The following GDF10 variants were observed in gnomAD, a reference collection of about 807,000 sequenced individuals.
GDF10 encodes growth differentiation factor 10.
In GDF10, 23 loss-of-function variants were observed where a neutral mutation model predicts 32.1. That is an observed-to-expected ratio of 0.72 (90% confidence interval 0.52 to 1.02). The LOEUF (loss-of-function observed/expected upper bound fraction) is 1.02, where lower values mean the gene tolerates loss of function less well. Ranked by LOEUF, GDF10 falls within the 50% of genes least tolerant of loss-of-function variation. The pLI is 0.00. For missense variants in GDF10, 764 were observed against 673.9 expected (o/e 1.13, Z -1.48); for synonymous variants, 328 against 303.1 (o/e 1.08, Z -0.85).
chr10:47,310,523 G>C lies in GDF10; in HGVS notation c.1047G>C (p.Met349Ile), dbSNP rs2132226446. 6.2e-7 allele frequency: 1 copy of C among 1,613,916 alleles called. No homozygotes were observed. The highest frequency in any genetic ancestry group is 8.5e-7 in the Non-Finnish European group (1 of 1,179,772). Residue 349 changes from methionine to isoleucine, a missense_variant, in exon 2 of 3, where the codon ATG becomes ATC. Physicochemically the swap from Met to Ile is conservative, Grantham distance 10 (BLOSUM62 1). Coordinates refer to ENST00000580279, the MANE Select transcript of GDF10 (RefSeq NM_004962.5). ...GGAAGAAGGGCCAGGAGGTGTTCATGGCCGCCTCGCAGGTGCTGGACTTTG... is the reference window on the plus strand; with the variant it reads ...GGAAGAAGGGCCAGGAGGTGTTCATCGCCGCCTCGCAGGTGCTGGACTTTG... Reference protein sequence around the residue: ...DRRKKGQEVFMAASQVLDFDE... With the variant: ...DRRKKGQEVFIAASQVLDFDE...
rs565905815 is a variant in GDF10 at position 47,303,736 on chromosome 10, C to T, written c.319+2766C>T. Reference sequence around the variant, plus strand: ...ACCACCCCTAATTCCCACTGAATGACGTGTGTTTAAATGTAAGCTTTGTCA... The same window carrying T: ...ACCACCCCTAATTCCCACTGAATGATGTGTGTTTAAATGTAAGCTTTGTCA... On this transcript the variant is annotated intron_variant, in intron 1 of 2. Transcript: ENST00000580279. 7.2e-5 allele frequency among the ~76,000 whole-genome samples: 11 copies of T among 152,278 alleles called. No individual in the cohort carries two copies. In the East Asian group the frequency reaches 1.2e-3, roughly 16 times the overall value.
intron 2 of GDF10, among the ~76,000 whole-genome samples, chr10:47,311,208 G>A (rs782106537): frequency 5.3e-5 from 8 of 152,192 alleles, no homozygotes; most frequent in Non-Finnish European, 1.0e-4. Flanking sequence ...CCTCCTCCTT[G>A]CAGCTCAGGG....
In GDF10 at chr10:47,304,872, C is replaced by T. The variant is rs146755509; in HGVS notation, c.319+3902C>T. ...GAAACTGCCTCCTTGTATGGGAGTC[C>T]CTCCTTTGTCCTACTGATATGCAAA... On this transcript the variant is annotated intron_variant, in intron 1 of 2. Coordinates refer to ENST00000580279, the MANE Select transcript of GDF10 (RefSeq NM_004962.5). 6.7e-4 allele frequency among the ~76,000 whole-genome samples: 102 copies of T among 152,244 alleles called. 3 individuals are homozygous for T. The East Asian group carries it at 0.016, about 24-fold the overall frequency.
rs1555206813 is a variant in GDF10 at position 47,300,978 on chromosome 10, G to A, written c.319+8G>A. On this transcript the variant is annotated splice_region_variant and intron_variant, in intron 1 of 2. Coordinates refer to ENST00000580279, the MANE Select transcript of GDF10 (RefSeq NM_004962.5). ...GCTTCAGGGCCAGGCTGGGTAAGTA[G>A]AGGGTGCCCCAGGACCCCTTCTCCT... 1 of 1,465,750 alleles carries A rather than the reference G, an allele frequency of 6.8e-7. No homozygotes were observed. The highest frequency in any genetic ancestry group is 9.0e-7 in the Non-Finnish European group (1 of 1,113,502). The allele number at this position is 1,465,750 out of a possible 1,614,324, so 90.8% of individuals were successfully genotyped here.
rs2061039502 is a variant in GDF10 at position 47,310,208 on chromosome 10, C to T, written c.732C>T (p.Ile244=). 6.8e-6 allele frequency: 11 copies of T among 1,611,346 alleles called. No homozygotes were observed. The highest frequency in any genetic ancestry group is 9.3e-6 in the Non-Finnish European group (11 of 1,179,008). ...VPRPSPYAPY[I]LVYANDLAIS... is the part of the protein sequence containing the mutation. Reference sequence around the variant, plus strand: ...GGCCCAGCCCCTATGCGCCCTACATCCTAGTCTATGCCAACGATCTGGCCA... The same window carrying T: ...GGCCCAGCCCCTATGCGCCCTACATTCTAGTCTATGCCAACGATCTGGCCA... Residue 244 remains isoleucine, a synonymous_variant, in exon 2 of 3, where the codon ATC becomes ATT. Coordinates refer to ENST00000580279, the MANE Select transcript of GDF10 (RefSeq NM_004962.5).
intron 1 of GDF10, among the ~76,000 whole-genome samples, chr10:47,303,077 G>C (rs1555206955): frequency 1.3e-5 from 2 of 152,208 alleles, no homozygotes; most frequent in African/African-American, 4.8e-5. Context: ...TGATTCATCT[G>C]AGTGTTTCAT....
intron 1 of GDF10, among the ~76,000 whole-genome samples, chr10:47,305,546 C>T (rs1555207156): frequency 6.6e-6 from 1 of 152,238 alleles, no homozygotes; most frequent in Non-Finnish European, 1.5e-5. Flanking sequence ...TCTGTTGGTG[C>T]ATGCATCTAA....
chr10:47,301,290 T>C (rs868987798), intron 1 of GDF10, among the ~76,000 whole-genome samples: 12 of 152,214 alleles, frequency 7.9e-5, no homozygotes, highest in African/African-American at 2.9e-4. Flanking sequence ...ATCCCTGTCA[T>C]AGGGTCAATT....
chr10:47,300,790 G>T lies in GDF10; in HGVS notation c.139G>T (p.Ala47Ser). Residue 47 changes from alanine to serine, a missense_variant, in exon 1 of 3, where the codon GCC becomes TCC. Coordinates refer to ENST00000580279, the MANE Select transcript of GDF10 (RefSeq NM_004962.5). ...CGCCTGGTCCGCACTGCCCGCGGCCGCCGACGGCCTGCAGGGGGACAGGGA... is the reference window on the plus strand; with the variant it reads ...CGCCTGGTCCGCACTGCCCGCGGCCTCCGACGGCCTGCAGGGGGACAGGGA... ...APAWSALPAA[A>S]DGLQGDRDLQ... 2 of 1,566,382 alleles carry T rather than the reference G, an allele frequency of 1.3e-6. No homozygotes were observed. Among genetic ancestry groups the T allele is most frequent in the Non-Finnish European group, 1.7e-6 (2 of 1,161,584 alleles).
In GDF10 at chr10:47,309,784, C is replaced by G; in HGVS notation, c.320-12C>G. 6.3e-7 allele frequency: 1 copy of G among 1,586,076 alleles called. No homozygotes were observed. The highest frequency in any genetic ancestry group is 8.6e-7 in the Non-Finnish European group (1 of 1,158,276). ...AGAACTTCACAGCCTGTGGTCTCTCCTTCCCTCACAGAAGTGGTCGACCAG... is the reference window on the plus strand; with the variant it reads ...AGAACTTCACAGCCTGTGGTCTCTCGTTCCCTCACAGAAGTGGTCGACCAG... On this transcript the variant is annotated splice_polypyrimidine_tract_variant and intron_variant, in intron 1 of 2. Coordinates refer to ENST00000580279, the MANE Select transcript of GDF10 (RefSeq NM_004962.5).
At chr10:47,312,398 CG>C (rs1555207841) in intron 2 of GDF10, among the ~76,000 whole-genome samples, 1 of 152,156 alleles carries the variant, frequency 6.6e-6, no homozygotes, top group East Asian at 1.9e-4. Flanking sequence ...GACCTCAGCC[CG>C]GAACTCAGCG....
Position 47,309,816 on chromosome 10 carries a change from G to C in GDF10, c.340G>C (p.Val114Leu). Residue 114 changes from valine to leucine, a missense_variant, in exon 2 of 3, where the codon GTG becomes CTG. Val to Leu is a conservative substitution (Grantham distance 32). Transcript: ENST00000580279. ...ARLEVVDQKA[V>L]YFFNLTSMQD... ...CACAGAAGTGGTCGACCAGAAGGCC[G>C]TGTATTTCTTCAACCTGACTTCCAT... The C allele has an allele frequency of 1.9e-6, 3 of 1,609,750 alleles. No homozygotes were observed. The highest frequency in any genetic ancestry group is 1.7e-6 in the Non-Finnish European group (2 of 1,177,266).
intron 2 of GDF10, among the ~76,000 whole-genome samples, chr10:47,312,285 C>T (rs576960722): frequency 2.2e-4 from 33 of 152,262 alleles, no homozygotes; most frequent in Non-Finnish European, 3.4e-4. Flanking sequence ...TGGTGCTCCG[C>T]GGGGATGTGT....
intron 2 of GDF10, 62 bp from the exon 3 acceptor site, chr10:47,312,539 C>T: frequency 9.7e-7 from 1 of 1,035,428 alleles, no homozygotes; most frequent in Non-Finnish European, 1.4e-6. Flanking sequence ...GTGAGGATGG[C>T]ATGGGTGCGT....
Position 47,310,277 on chromosome 10 carries a change from C to G in GDF10, c.801C>G (p.Asp267Glu), listed in dbSNP as rs1555207568. ...TGGCAGTGACGCTGCAGAGATACGACCCCTTCCCTGCCGGAGACCCCGAGC... is the reference window on the plus strand; with the variant it reads ...TGGCAGTGACGCTGCAGAGATACGAGCCCTTCCCTGCCGGAGACCCCGAGC... The part of the protein sequence containing the change: ...NSVAVTLQRY[D>E]PFPAGDPEPR... Residue 267 changes from aspartate to glutamate, a missense_variant, in exon 2 of 3, where the codon GAC becomes GAG. Asp to Glu is a conservative substitution (Grantham distance 45, BLOSUM62 2). Coordinates refer to ENST00000580279, the MANE Select transcript of GDF10 (RefSeq NM_004962.5). 6.2e-7 allele frequency: 1 copy of G among 1,608,654 alleles called. No individual in the cohort carries two copies. Among genetic ancestry groups the G allele is most frequent in the Non-Finnish European group, 8.5e-7 (1 of 1,177,522 alleles).
Position 47,300,580 on chromosome 10 carries a change from C to A in GDF10, c.-72C>A. 2 of 1,429,212 alleles carry A rather than the reference C, an allele frequency of 1.4e-6. No homozygotes were observed. The highest frequency in any genetic ancestry group is 1.9e-6 in the Non-Finnish European group (2 of 1,064,418). The allele number at this position is 1,429,212 out of a possible 1,614,324, so 88.5% of individuals were successfully genotyped here. On this transcript the variant is annotated 5_prime_UTR_variant, in exon 1 of 3. Transcript: ENST00000580279. Reference sequence around the variant, plus strand: ...CGCGCCCTACTGCCGCGAGGTCAGTCCGCAGCCTCCGGTGCGCCAGCGCTC... The same window carrying A: ...CGCGCCCTACTGCCGCGAGGTCAGTACGCAGCCTCCGGTGCGCCAGCGCTC...
At chr10:47,309,227 G>A (rs782725796) in intron 1 of GDF10, among the ~76,000 whole-genome samples, 1 of 152,220 alleles carries the variant, frequency 6.6e-6, no homozygotes, top group Non-Finnish European at 1.5e-5. Flanking sequence ...TTTCCCTTAG[G>A]AGGTGCTCAA....
In GDF10 at chr10:47,300,915, G is replaced by A; in HGVS notation, c.264G>A (p.Arg88=). The A allele has an allele frequency of 1.3e-6, 2 of 1,554,866 alleles. No homozygotes were observed. The highest frequency in any genetic ancestry group is 1.7e-6 in the Non-Finnish European group (2 of 1,157,884). Residue 88 remains arginine (R), a synonymous_variant, in exon 1 of 3, where the codon CGG becomes CGA. Coordinates refer to ENST00000580279, the MANE Select transcript of GDF10 (RefSeq NM_004962.5). The part of the protein sequence containing the change: ...HMHRLYEKYS[R]QGARPGGGNT... Reference sequence around the variant, plus strand: ...ACAGGCTCTATGAGAAGTACAGCCGGCAGGGCGCGCGGCCGGGAGGGGGCA... The same window carrying A: ...ACAGGCTCTATGAGAAGTACAGCCGACAGGGCGCGCGGCCGGGAGGGGGCA...
rs781825584 is a variant in GDF10, at chr10:47,312,834, C to A, written c.*42C>A. On this transcript the variant is annotated 3_prime_UTR_variant, in exon 3 of 3. Transcript: ENST00000580279. Reference sequence around the variant, plus strand: ...AAAGAAGCCACGCCCAGCAGAGCTGCCTTCTCGGAGCCTTCTGCAACCAGG... The same window carrying A: ...AAAGAAGCCACGCCCAGCAGAGCTGACTTCTCGGAGCCTTCTGCAACCAGG... 7.3e-7 allele frequency: 1 copy of A among 1,376,530 alleles called. No individual in the cohort carries two copies. The highest frequency in any genetic ancestry group is 9.9e-7 in the Non-Finnish European group (1 of 1,013,640). The allele number at this position is 1,376,530 out of a possible 1,614,324, so 85.3% of individuals were successfully genotyped here.
Sources: gnomAD v4.1 joint callset for allele counts (sites outside exome capture counted in the v4.1 genomes callset) on GRCh38, gnomAD v4.1.1 for gene constraint, MANE v1.5 for transcripts, NCBI Gene and HGNC (gene_info 2026-07-23, HGNC 2026-07-21) for gene names.